Variants in FUBP3 observed in about 807,000 individuals in gnomAD.
FUBP3 encodes far upstream element binding protein 3, also known as far upstream element-binding protein 3.
A neutral mutation model predicts 85.6 loss-of-function variants in FUBP3; 28 were observed. That is an observed-to-expected ratio of 0.33 (90% CI 0.24 to 0.45). The LOEUF (loss-of-function observed/expected upper bound fraction) is 0.45. Among genes scored for constraint, FUBP3 ranks in the 20% least tolerant of loss-of-function variants. The pLI is 1.00. For synonymous variants in FUBP3, 271 were observed against 271.4 expected, an observed-to-expected ratio of 1.00 and a Z score of 0.01; for missense variants, 583 against 755.1, an observed-to-expected ratio of 0.77 and a Z score of 2.67.
intron 2 of FUBP3, among the ~76,000 whole-genome samples, chr9:130,609,183 G>A (rs968668366): frequency 2.0e-5 from 3 of 152,164 alleles, no homozygotes; most frequent in Admixed American, 6.5e-5. Flanking sequence ...GGCTGGTGAA[G>A]GAGAGACACT....
chr9:130,636,848 C>T (rs540569336), intron 18 of FUBP3, among the ~76,000 whole-genome samples, 166 bp from the exon 19 acceptor site: 103 of 152,260 alleles, frequency 6.8e-4, no homozygotes, highest in African/African-American at 2.2e-3. Context: ...TCCCACTGTC[C>T]GCTCTTCCCT....
rs1395020637 is a variant in FUBP3 at position 130,616,132 on chromosome 9, C to T, written c.405-223C>T. Among the ~76,000 whole-genome samples the T allele has an allele frequency of 6.6e-6, 1 of 152,090 alleles. No individual in the cohort carries two copies. Among genetic ancestry groups the T allele is most frequent in the Non-Finnish European group, 1.5e-5 (1 of 68,046 alleles). Reference sequence around the variant, plus strand: ...CAGGCTTGAAAGGGGCGGCAAGGCTCTGTGTCACAGCGTTGGTACTGTGGT... The same window carrying T: ...CAGGCTTGAAAGGGGCGGCAAGGCTTTGTGTCACAGCGTTGGTACTGTGGT... On this transcript the variant is annotated intron_variant, in intron 6 of 18. Coordinates refer to ENST00000319725, the MANE Select transcript of FUBP3 (RefSeq NM_003934.2). This position sits in a 1 kb window ranked among gnomAD's most constrained non-coding sequence, Gnocchi z 4.7.
Position 130,626,466 on chromosome 9 carries a change from A to C in FUBP3, c.1078A>C (p.Thr360Pro), listed in dbSNP as rs777858358. The change falls in exon 12 of 19, where the codon ACG (threonine) becomes CCG (proline). Residue 360 changes from threonine to proline, a missense_variant. Around this residue, in one of 3 missense-constraint regions of FUBP3, gnomAD observed 404 missense variants for 516.8 expected, o/e 0.78. Coordinates refer to ENST00000319725, the MANE Select transcript of FUBP3 (RefSeq NM_003934.2). ...TGGTGGCGTCCAGGAGATAACATAC[A>C]CGGTGCCAGCCGATAAGTGTGGCCT... ...APGGVQEITY[T>P]VPADKCGLVI... 1 of 1,614,098 alleles carries C rather than the reference A, an allele frequency of 6.2e-7. No individual in the cohort carries two copies. Among genetic ancestry groups the C allele is most frequent in the Non-Finnish European group, 8.5e-7 (1 of 1,180,006 alleles).
chr9:130,609,971 G>A lies in FUBP3; in HGVS notation c.208G>A (p.Ala70Thr), dbSNP rs1157074050. Residue 70 changes from alanine to threonine, a missense_variant, in exon 3 of 19, where the codon GCC (alanine) becomes ACC (threonine). Transcript: ENST00000319725. ...TGCCACAGTAGGTAACCAGTTAGGG[G>A]CCTTGGTACATCAAAGGTAAGCAGT... The part of the protein sequence containing the change: ...LDDGVGNQLG[A>T]LVHQRTVITE... 8 of 1,609,462 alleles carry A rather than the reference G, an allele frequency of 5.0e-6. No individual in the cohort carries two copies. Among genetic ancestry groups the A allele is most frequent in the Non-Finnish European group, 6.8e-6 (8 of 1,176,558 alleles).
At position 130,636,006 on chromosome 9, in the gene FUBP3, C is replaced by T. The variant is rs76482042; in HGVS notation, c.1590C>T (p.Ala530=). Residue 530 remains alanine (A), a synonymous_variant, in exon 18 of 19, where the codon GCC becomes GCT. Transcript: ENST00000319725. ...TCCTCCTTTGTCAACCAGGTCACGCCGCCAGCGCTGCTCCTCAGGCCAGCT... is the reference window on the plus strand; with the variant it reads ...TCCTCCTTTGTCAACCAGGTCACGCTGCCAGCGCTGCTCCTCAGGCCAGCT... ...WEDYYKKQSH[A]ASAAPQASSP... 0.046 allele frequency: 74,772 copies of T among 1,613,548 alleles called. 1,984 individuals carry two copies. The highest frequency in any genetic ancestry group is 0.054 in the Non-Finnish European group (63,518 of 1,179,776).
rs1022689710 is a variant in FUBP3, at chr9:130,631,792, A to C, written c.1353-150A>C. On this transcript the variant is annotated intron_variant, in intron 14 of 18. Coordinates refer to ENST00000319725, the MANE Select transcript of FUBP3 (RefSeq NM_003934.2). Reference sequence around the variant, plus strand: ...TCACCAGCGGTCCCTCCGGCCTATCACTCACTGACCTCAGCGATGGGGTGG... The same window carrying C: ...TCACCAGCGGTCCCTCCGGCCTATCCCTCACTGACCTCAGCGATGGGGTGG... 1.1e-5 allele frequency: 9 copies of C among 809,896 alleles called. No individual in the cohort carries two copies. The African/African-American group carries it at 1.2e-4, about 11-fold the overall frequency. 50.2% of individuals were successfully genotyped at this position (809,896 alleles called of 1,614,324 possible).
At chr9:130,617,237 A>G (rs887611743) in intron 7 of FUBP3, among the ~76,000 whole-genome samples, 2 of 152,224 alleles carry the variant, frequency 1.3e-5, no homozygotes, top group African/African-American at 4.8e-5. Flanking sequence ...ATTATAAGTA[A>G]ACTTTCTTTC....
rs1251255045 is a variant in FUBP3, at chr9:130,631,358, G to T, written c.1279-199G>T. The T allele has an allele frequency of 3.5e-6, 5 of 1,415,568 alleles. No individual in the cohort carries two copies. The African/African-American group carries it at 7.2e-5, about 20-fold the overall frequency. The allele number at this position is 1,415,568 out of a possible 1,614,324, so 87.7% of individuals were successfully genotyped here. On this transcript the variant is annotated intron_variant, in intron 13 of 18. Coordinates refer to ENST00000319725, the MANE Select transcript of FUBP3 (RefSeq NM_003934.2). ...GTGGTGCCAGGACTGGCTGTGTGGT[G>T]GTATTGGTCGCTGGAGGGCAGAAGC...
At chr9:130,625,703 G>C (rs991514747) in intron 11 of FUBP3, among the ~76,000 whole-genome samples, 3 of 152,224 alleles carry the variant, frequency 2.0e-5, no homozygotes, top group African/African-American at 7.2e-5. Context: ...TGAACAGTGG[G>C]AGAATGCCTC....
At chr9:130,589,663 A>ATGTGTGTGTGTG (rs1457578376) in intron 1 of FUBP3, among the ~76,000 whole-genome samples, 1 of 73,568 alleles carries the variant, frequency 1.4e-5, no homozygotes, top group African/African-American at 5.5e-5. Flanking sequence ...TTAAATATGT[A>ATGTGTGTGTGTG]TGTATGTGTG....
chr9:130,636,315 GAAA>G, intron 18 of FUBP3, 189 bp downstream of exon 18: 1 of 707,098 alleles, frequency 1.4e-6, no homozygotes. Flanking sequence ...TCGCTCTGGA[GAAA>G]AAGAGTTTAG....
chr9:130,616,656 A>G lies in FUBP3; in HGVS notation c.567+139A>G, dbSNP rs904747220. 7 of 744,864 alleles carry G rather than the reference A, an allele frequency of 9.4e-6. No homozygotes were observed. The Admixed American group carries it at 1.8e-4, about 19-fold the overall frequency. The allele number at this position is 744,864 out of a possible 1,614,324, so 46.1% of individuals were successfully genotyped here. The stretch of plus-strand genomic sequence containing the variant: ...CATTGTGCTGAGGCTTCCTTCCTCC[A>G]TTTGACAGACAGCTTCTGAACATAC... On this transcript the variant is annotated intron_variant, in intron 7 of 18. Coordinates refer to ENST00000319725, the MANE Select transcript of FUBP3 (RefSeq NM_003934.2). The surrounding 1 kb of genome is among the most constrained non-coding windows in gnomAD (Gnocchi z 4.7).
intron 1 of FUBP3, among the ~76,000 whole-genome samples, chr9:130,592,667 C>T (rs1457390397): frequency 6.6e-6 from 1 of 151,750 alleles, no homozygotes; most frequent in African/African-American, 2.4e-5. Flanking sequence ...CCTCAGCCTC[C>T]TGAGTAGCCG....
At chr9:130,580,305 C>T (rs1419319139) in intron 1 of FUBP3, among the ~76,000 whole-genome samples, 3 of 152,176 alleles carry the variant, frequency 2.0e-5, no homozygotes, top group East Asian at 1.9e-4. Flanking sequence ...AGAAATTTCT[C>T]ATGGCAAGCT....
intron 1 of FUBP3, among the ~76,000 whole-genome samples, chr9:130,592,602 G>A (rs112036577): frequency 1.3e-5 from 2 of 152,156 alleles, no homozygotes; most frequent in African/African-American, 4.8e-5. Flanking sequence ...CTGGAGTTCA[G>A]TGGCTCGATC....
chr9:130,588,048 C>T (rs1460701212), intron 1 of FUBP3, among the ~76,000 whole-genome samples: 2 of 152,158 alleles, frequency 1.3e-5, no homozygotes, highest in Non-Finnish European at 2.9e-5. Context: ...GGGGCCCCAT[C>T]TCTGATGACA....
intron 8 of FUBP3, among the ~76,000 whole-genome samples, chr9:130,620,041 G>C (rs1829677172): frequency 6.6e-6 from 1 of 152,144 alleles, no homozygotes; most frequent in South Asian, 2.1e-4. Context: ...GAAAGAAAAA[G>C]ATTTAAAAAT....
intron 1 of FUBP3, chr9:130,581,041 A>C (rs2118989336): frequency 6.6e-6 from 1 of 152,154 alleles, no homozygotes; most frequent in African/African-American, 2.4e-5. Flanking sequence ...AGGGTCCTGA[A>C]CCTTGTTTCT....
intron 9 of FUBP3, among the ~76,000 whole-genome samples, chr9:130,621,336 A>AT (rs767910900): frequency 5.3e-5 from 8 of 152,026 alleles, no homozygotes; most frequent in Admixed American, 3.9e-4. Flanking sequence ...CAAAAAAAAA[A>AT]GTATTTTAAA....
Sources: allele counts gnomAD v4.1 joint callset (sites outside exome capture counted in the v4.1 genomes callset), GRCh38; gene constraint gnomAD v4.1.1; regional missense constraint gnomAD v4.1.1; non-coding constraint Gnocchi (gnomAD v3.1); transcripts MANE v1.5; gene names NCBI Gene and HGNC (gene_info 2026-07-23, HGNC 2026-07-21).